The following CCDC169 variants were observed in gnomAD, a reference collection of about 807,000 sequenced individuals.
CCDC169 encodes coiled-coil domain-containing protein 169.
In CCDC169, 30 loss-of-function variants were observed where a neutral mutation model predicts 36.0. The ratio of observed to expected loss-of-function variants is 0.83; its 90% CI spans 0.62 to 1.13. The LOEUF (loss-of-function observed/expected upper bound fraction) is 1.13. CCDC169 is among the 50% of genes most tolerant of loss of function. The pLI is 0.00. For missense variants in CCDC169, 245 were observed against 245.9 expected (o/e 1.00, Z 0.03); for synonymous variants, 85 against 81.5 (o/e 1.04, Z -0.23).
At chr13:36,230,342 A>G (rs894580498), downstream of CCDC169, among the ~76,000 whole-genome samples, 2 of 152,226 alleles carry the variant, frequency 1.3e-5, no homozygotes, top group Non-Finnish European at 2.9e-5. Flanking sequence ...TAAAAGACAA[A>G]AACAGTCTAA....
intron 7 of CCDC169, among the ~76,000 whole-genome samples, chr13:36,246,424 G>A (rs1872515208): frequency 6.6e-6 from 1 of 152,188 alleles, no homozygotes; most frequent in African/African-American, 2.4e-5. Context: ...CTGGATAGAA[G>A]ACCAAAGAAA....
chr13:36,285,738 G>C (rs1878173290), intron 2 of CCDC169, among the ~76,000 whole-genome samples: 1 of 152,076 alleles, frequency 6.6e-6, no homozygotes, highest in South Asian at 2.1e-4. Flanking sequence ...TAAGAGCAAG[G>C]TCTGGCATAA....
chr13:36,251,544 C>T (rs928266192), intron 6 of CCDC169, among the ~76,000 whole-genome samples: 1 of 126,010 alleles, frequency 7.9e-6, no homozygotes, highest in Non-Finnish European at 1.9e-5. Flanking sequence ...AAAGACTTTA[C>T]TTTTAACCTT....
intron 7 of CCDC169, among the ~76,000 whole-genome samples, chr13:36,238,306 G>A (rs1871327757): frequency 1.3e-5 from 2 of 152,078 alleles, no homozygotes; most frequent in African/African-American, 2.4e-5. Context: ...TGGCTCTGTT[G>A]CCCAAGCTGC....
At chr13:36,251,663 G>A (rs1873187313) in intron 6 of CCDC169, among the ~76,000 whole-genome samples, 1 of 152,046 alleles carries the variant, frequency 6.6e-6, no homozygotes, top group Admixed American at 6.6e-5. Flanking sequence ...AAATAATTTT[G>A]CATATTTGCT....
At chr13:36,259,111 C>G (rs1874290344) in intron 4 of CCDC169, among the ~76,000 whole-genome samples, 1 of 152,134 alleles carries the variant, frequency 6.6e-6, no homozygotes, top group Non-Finnish European at 1.5e-5. Context: ...CCTGCTCCCT[C>G]GGATACCACA....
chr13:36,275,022 T>G (rs1876598379), intron 4 of CCDC169, among the ~76,000 whole-genome samples: 1 of 151,874 alleles, frequency 6.6e-6, no homozygotes, highest in Admixed American at 6.6e-5. Flanking sequence ...GCGCCCACCA[T>G]CACGCCCGGC....
At chr13:36,234,860 T>C (rs568019456) in intron 7 of CCDC169, among the ~76,000 whole-genome samples, 46 of 152,118 alleles carry the variant, frequency 3.0e-4, no homozygotes, top group Non-Finnish European at 6.3e-4. Flanking sequence ...GGACATTTGA[T>C]AGAAGTGTAA....
intron 4 of CCDC169, among the ~76,000 whole-genome samples, chr13:36,265,165 G>A (rs9565994): frequency 0.25 from 38,738 of 152,034 alleles, 5,213 homozygotes; most frequent in East Asian, 0.49. Flanking sequence ...ACAGATCTCA[G>A]TTGTGACCGT....
intron 7 of CCDC169, among the ~76,000 whole-genome samples, chr13:36,239,898 TGAGA>T (rs960197052): frequency 6.6e-6 from 1 of 151,814 alleles, no homozygotes; most frequent in Admixed American, 6.6e-5. Flanking sequence ...TAAGCTATTT[TGAGA>T]GAGAGAGAGA....
chr13:36,262,968 G>A (rs1874780362), intron 4 of CCDC169, among the ~76,000 whole-genome samples: 1 of 152,130 alleles, frequency 6.6e-6, no homozygotes, highest in South Asian at 2.1e-4. Flanking sequence ...TGCAGAAGGA[G>A]GTGAGTTCTG....
chr13:36,265,003 C>G (rs1290203311), intron 4 of CCDC169, among the ~76,000 whole-genome samples: 1 of 152,220 alleles, frequency 6.6e-6, no homozygotes, highest in Non-Finnish European at 1.5e-5. Context: ...TTCAGGTCAA[C>G]TGCCTGCTTG....
intron 4 of CCDC169, 43 bp downstream of exon 4, chr13:36,283,425 AT>A: frequency 6.6e-7 from 1 of 1,507,916 alleles, no homozygotes; most frequent in Non-Finnish European, 9.0e-7. Context: ...AATAGACATA[AT>A]TTCCTTCAAT....
chr13:36,297,558 G>A, intron 1 of CCDC169, 79 bp downstream of exon 1: 1 of 1,398,612 alleles, frequency 7.1e-7, no homozygotes, highest in Non-Finnish European at 9.8e-7. Context: ...CACCCTCAGC[G>A]GCTTCAGCCC....
intron 2 of CCDC169, 54 bp downstream of exon 2, chr13:36,295,724 T>C: frequency 1.1e-6 from 1 of 922,698 alleles, no homozygotes; most frequent in African/African-American, 1.7e-5. Context: ...GATATCCTGG[T>C]AAAATGAACA....
chr13:36,285,415 T>C (rs1424272710), intron 2 of CCDC169, among the ~76,000 whole-genome samples: 1 of 152,074 alleles, frequency 6.6e-6, no homozygotes, highest in Non-Finnish European at 1.5e-5. Context: ...CCAGGCATGG[T>C]GGCAGGTGCC....
chr13:36,245,577 A>C (rs1439152381), intron 7 of CCDC169, among the ~76,000 whole-genome samples: 4 of 152,196 alleles, frequency 2.6e-5, no homozygotes, highest in Non-Finnish European at 4.4e-5. Context: ...TATGATAGGC[A>C]TGAGCCACTG....
chr13:36,247,240 A>T (rs1872617828), intron 7 of CCDC169, among the ~76,000 whole-genome samples: 1 of 152,202 alleles, frequency 6.6e-6, no homozygotes, highest in Non-Finnish European at 1.5e-5. Flanking sequence ...ACCTGGTTAC[A>T]TCCAAGAACT....
At chr13:36,280,951 C>T (rs1401286753) in intron 4 of CCDC169, 5 of 163,160 alleles carry the variant, frequency 3.1e-5, no homozygotes, top group East Asian at 1.8e-4. Flanking sequence ...GTCATGCACA[C>T]GAAGGTGCCC....
Sources: allele counts gnomAD v4.1 joint callset (sites outside exome capture counted in the v4.1 genomes callset), GRCh38; gene constraint gnomAD v4.1.1; transcripts MANE v1.5; gene names NCBI Gene and HGNC (gene_info 2026-07-23, HGNC 2026-07-21).